CADPS2: variants seen among roughly 807,000 people sequenced by gnomAD.
CADPS2 encodes the protein calcium dependent secretion activator 2.
In CADPS2, 93 loss-of-function variants were observed where a neutral mutation model predicts 172.5. The ratio of observed to expected loss-of-function variants is 0.54; its 90% CI spans 0.46 to 0.64. The LOEUF (loss-of-function observed/expected upper bound fraction) is 0.64, where lower values mean the gene tolerates loss of function less well. Among genes scored for constraint, CADPS2 ranks in the 30% least tolerant of loss-of-function variants. CADPS2 has a pLI of 0.00. For synonymous variants in CADPS2, 546 were observed against 555.2 expected, an observed-to-expected ratio of 0.98 and a Z score of 0.23; for missense variants, 1,420 against 1,565.9, an observed-to-expected ratio of 0.91 and a Z score of 1.57.
intron 2 of CADPS2, among the ~76,000 whole-genome samples, chr7:122,691,522 C>T (rs1301188687): frequency 6.6e-6 from 1 of 152,222 alleles, no homozygotes; most frequent in Non-Finnish European, 1.5e-5. Flanking sequence ...TAAGCCTCAC[C>T]ATGCAACCCC....
intron 1 of CADPS2, among the ~76,000 whole-genome samples, chr7:122,808,850 A>G (rs886265769): frequency 6.6e-6 from 1 of 152,238 alleles, no homozygotes; most frequent in African/African-American, 2.4e-5. Context: ...AAAAGAAAAG[A>G]TCTAGGAAAT....
At chr7:122,598,003 T>C (rs1348855211) in intron 6 of CADPS2, among the ~76,000 whole-genome samples, 3 of 152,082 alleles carry the variant, frequency 2.0e-5, no homozygotes, top group Non-Finnish European at 4.4e-5. Flanking sequence ...AAATCATATA[T>C]GTTTACAAAA....
chr7:122,349,028 T>A (rs1053251656), intron 27 of CADPS2, among the ~76,000 whole-genome samples: 1 of 152,150 alleles, frequency 6.6e-6, no homozygotes, highest in East Asian at 1.9e-4. Flanking sequence ...TTAAGTGTTA[T>A]AAGAATATGA....
chr7:122,583,572 C>A (rs1280502222), intron 6 of CADPS2, among the ~76,000 whole-genome samples: 1 of 150,802 alleles, frequency 6.6e-6, no homozygotes, highest in African/African-American at 2.4e-5. Flanking sequence ...ATAAATATAT[C>A]AGAATATATG....
At chr7:122,681,176 C>T (rs1288358928) in intron 2 of CADPS2, 1 of 567,254 alleles carries the variant, frequency 1.8e-6, no homozygotes. Context: ...ATACCTAATG[C>T]TAGATGACAA....
intron 8 of CADPS2, among the ~76,000 whole-genome samples, chr7:122,548,849 TG>T (rs2131836719): frequency 6.6e-6 from 1 of 152,144 alleles, no homozygotes; most frequent in East Asian, 1.9e-4. Flanking sequence ...TTTTCTCCCT[TG>T]GACATAGAGA....
At chr7:122,473,047 CTTT>C (rs2056183306) in intron 13 of CADPS2, among the ~76,000 whole-genome samples, 1 of 152,080 alleles carries the variant, frequency 6.6e-6, no homozygotes, top group Admixed American at 6.6e-5. Context: ...CTGCATGATG[CTTT>C]TAAATCAAGT....
chr7:122,788,384 G>C (rs1438971960), intron 1 of CADPS2, among the ~76,000 whole-genome samples: 2 of 152,122 alleles, frequency 1.3e-5, no homozygotes, highest in Admixed American at 6.5e-5. Context: ...AGGGAGTTCT[G>C]GACATGGCAT....
chr7:122,530,315 C>CT (rs554922076), intron 8 of CADPS2, among the ~76,000 whole-genome samples: 1,874 of 133,380 alleles, frequency 0.014, 17 homozygotes, highest in Middle Eastern at 0.019. Context: ...CTTAAGTTAG[C>CT]TTTTTTTTTT....
chr7:122,614,309 C>G (rs1195160318), intron 6 of CADPS2, among the ~76,000 whole-genome samples: 4 of 152,032 alleles, frequency 2.6e-5, no homozygotes, highest in Non-Finnish European at 4.4e-5. Flanking sequence ...TTTTCTGTTA[C>G]ACATAACCCT....
intron 3 of CADPS2, among the ~76,000 whole-genome samples, chr7:122,633,577 C>G (rs1258811283): frequency 1.3e-5 from 2 of 152,152 alleles, no homozygotes; most frequent in Non-Finnish European, 2.9e-5. Flanking sequence ...AGTCATTTAT[C>G]AGTTCGAGAA....
chr7:122,593,547 G>A (rs984150466), intron 6 of CADPS2, among the ~76,000 whole-genome samples: 1 of 151,998 alleles, frequency 6.6e-6, no homozygotes, highest in Admixed American at 6.6e-5. Context: ...GTTAATAAAT[G>A]TAAGAGCACA....
At chr7:122,650,231 A>G (rs1320283131) in intron 3 of CADPS2, among the ~76,000 whole-genome samples, 3 of 151,768 alleles carry the variant, frequency 2.0e-5, no homozygotes, top group African/African-American at 7.2e-5. Context: ...TTGAATAAAT[A>G]AAAGAAAAAA....
intron 20 of CADPS2, among the ~76,000 whole-genome samples, chr7:122,404,699 A>G (rs1189501700): frequency 6.6e-6 from 1 of 152,162 alleles, no homozygotes; most frequent in Non-Finnish European, 1.5e-5. Context: ...CTGGTGTGAG[A>G]TGGTATCTCA....
chr7:122,436,137 TTAA>T (rs761904913), intron 17 of CADPS2, among the ~76,000 whole-genome samples: 8 of 152,234 alleles, frequency 5.3e-5, no homozygotes, highest in Admixed American at 3.3e-4. Flanking sequence ...TCATAAAATA[TTAA>T]TAATAATAAA....
chr7:122,728,542 A>G (rs1490921333), intron 2 of CADPS2, among the ~76,000 whole-genome samples: 1 of 151,612 alleles, frequency 6.6e-6, no homozygotes. Context: ...AAGATTGAAA[A>G]ACAATGACCT....
intron 6 of CADPS2, among the ~76,000 whole-genome samples, chr7:122,610,233 T>G (rs927560673): frequency 1.3e-5 from 2 of 152,026 alleles, no homozygotes; most frequent in Non-Finnish European, 2.9e-5. Context: ...ATATTGTTCA[T>G]GCACTTGTTC....
At chr7:122,779,518 CA>C (rs1792120556) in intron 1 of CADPS2, among the ~76,000 whole-genome samples, 1 of 152,076 alleles carries the variant, frequency 6.6e-6, no homozygotes, top group South Asian at 2.1e-4. Flanking sequence ...TCTGCCCTCT[CA>C]AAAAGGGCAG....
Position 122,886,371 on chromosome 7 carries a change from T to C in CADPS2, c.-34A>G. The C allele has an allele frequency of 1.3e-6, 2 of 1,485,420 alleles. No homozygotes were observed. The highest frequency in any genetic ancestry group is 1.8e-6 in the Non-Finnish European group (2 of 1,126,758). The allele number at this position is 1,485,420 out of a possible 1,614,324, so 92.0% of individuals were successfully genotyped here. ...GGGATCCCCGCCGCTCGGCCCGCGG[T>C]CCCCAAGCGCCTCACCCCCGGCGGC... is the stretch of plus-strand genomic sequence containing the variant. On this transcript the variant is annotated 5_prime_UTR_variant, in exon 1 of 30. Transcript: ENST00000449022.
Sources: gnomAD v4.1 joint callset for allele counts (sites outside exome capture counted in the v4.1 genomes callset) on GRCh38, gnomAD v4.1.1 for gene constraint, MANE v1.5 for transcripts, NCBI Gene and HGNC (gene_info 2026-07-23, HGNC 2026-07-21) for gene names.